PLEKHA7: variants seen among roughly 807,000 people sequenced by gnomAD.
The protein encoded by PLEKHA7 is pleckstrin homology domain-containing family A member 7.
A neutral mutation model predicts 170.0 loss-of-function variants in PLEKHA7; 104 were observed. That is an observed-to-expected ratio of 0.61 (90% CI 0.52 to 0.72). PLEKHA7 has a LOEUF of 0.72. PLEKHA7 is among the 30% of genes least tolerant of loss of function. PLEKHA7 has a pLI of 0.00. For synonymous variants in PLEKHA7, 648 were observed against 660.8 expected (o/e 0.98, Z 0.30); for missense variants, 1,615 against 1,671.7 (o/e 0.97, Z 0.59).
At chr11:16,902,128 A>C (rs1257897728) in intron 3 of PLEKHA7, among the ~76,000 whole-genome samples, 2 of 152,178 alleles carry the variant, frequency 1.3e-5, no homozygotes, top group African/African-American at 4.8e-5. Flanking sequence ...ATTTAGCATA[A>C]TGTTTACAAG....
At chr11:16,930,001 T>TA (rs1859817317) in intron 3 of PLEKHA7, among the ~76,000 whole-genome samples, 1 of 151,704 alleles carries the variant, frequency 6.6e-6, no homozygotes, top group South Asian at 2.1e-4. Flanking sequence ...AGACTCCGTC[T>TA]CAAAAAAAAA....
intron 4 of PLEKHA7, among the ~76,000 whole-genome samples, chr11:16,860,793 TGTG>T (rs1853883516): frequency 6.6e-6 from 1 of 152,200 alleles, no homozygotes; most frequent in South Asian, 2.1e-4. Flanking sequence ...AAGGAAATCT[TGTG>T]GTGGTGGAAA....
chr11:16,905,055 T>C (rs956614565), intron 3 of PLEKHA7, among the ~76,000 whole-genome samples: 2 of 152,072 alleles, frequency 1.3e-5, no homozygotes, highest in Admixed American at 1.3e-4. Flanking sequence ...AGTTTGAGAC[T>C]AGCCTGGGCA....
chr11:17,009,356 T>C (rs1040505540), intron 3 of PLEKHA7, among the ~76,000 whole-genome samples: 2 of 152,194 alleles, frequency 1.3e-5, no homozygotes, highest in Non-Finnish European at 2.9e-5. Context: ...GCTATAGGAA[T>C]GTCCAGGATT....
intron 10 of PLEKHA7, among the ~76,000 whole-genome samples, chr11:16,824,738 C>T (rs1329254495): frequency 6.6e-6 from 1 of 152,342 alleles, no homozygotes; most frequent in East Asian, 1.9e-4. Flanking sequence ...CACTTACCTG[C>T]TTAAAACCTT....
Position 16,949,895 on chromosome 11 carries a change from A to G in PLEKHA7, c.221+64094T>C, listed in dbSNP as rs1305837792. 2.6e-5 allele frequency among the ~76,000 whole-genome samples: 4 copies of G among 152,076 alleles called. No homozygotes were observed. The South Asian group carries it at 8.3e-4, about 32-fold the overall frequency. On this transcript the variant is annotated intron_variant, in intron 3 of 26. Transcript: ENST00000531066. ...AGGGGAGAGACCAGAACATCAAGCC[A>G]AGATGAGGTTCTGAGAATGGGAAAC...
At chr11:16,799,260 C>T (rs1006998211) in intron 17 of PLEKHA7, among the ~76,000 whole-genome samples, 2 of 152,142 alleles carry the variant, frequency 1.3e-5, no homozygotes, top group African/African-American at 4.8e-5. Context: ...AAGTGTGATC[C>T]TCTTCAAGTA....
intron 4 of PLEKHA7, among the ~76,000 whole-genome samples, chr11:16,862,651 T>G (rs1388698335): frequency 6.6e-6 from 1 of 152,322 alleles, no homozygotes; most frequent in South Asian, 2.1e-4. Flanking sequence ...AAAGACATGG[T>G]TGCTGTGTGG....
chr11:16,834,447 C>G (rs1380015672), intron 9 of PLEKHA7, among the ~76,000 whole-genome samples: 1 of 152,054 alleles, frequency 6.6e-6, no homozygotes, highest in African/African-American at 2.4e-5. Context: ...TTTGTAGGGA[C>G]CAGGCCCATG....
rs1385335027 is a variant in PLEKHA7 at position 16,979,655 on chromosome 11, A to C, written c.221+34334T>G. 3.3e-5 allele frequency among the ~76,000 whole-genome samples: 5 copies of C among 151,998 alleles called. No homozygotes were observed. In the East Asian group the frequency reaches 7.7e-4, roughly 23 times the overall value. On this transcript the variant is annotated intron_variant, in intron 3 of 26. Coordinates refer to ENST00000531066, the MANE Select transcript of PLEKHA7 (RefSeq NM_001329630.2). ...TTACCATTTTTGTTGTTTTCAATGG[A>C]GATATACTTGCAAAATACTCAAACT...
chr11:16,914,355 G>T (rs898979843), intron 3 of PLEKHA7, among the ~76,000 whole-genome samples: 1 of 152,126 alleles, frequency 6.6e-6, no homozygotes, highest in Non-Finnish European at 1.5e-5. Context: ...GTACCTCAGC[G>T]CCATAAATCT....
chr11:16,884,880 G>A (rs1855966524), intron 3 of PLEKHA7, among the ~76,000 whole-genome samples: 1 of 152,170 alleles, frequency 6.6e-6, no homozygotes, highest in Non-Finnish European at 1.5e-5. Context: ...TATAAACAGA[G>A]TGTTATAAGT....
At chr11:16,991,497 C>T (rs540078610) in intron 3 of PLEKHA7, among the ~76,000 whole-genome samples, 1 of 151,872 alleles carries the variant, frequency 6.6e-6, no homozygotes, top group South Asian at 2.1e-4. Flanking sequence ...AGAAATGTCA[C>T]CCTGAGAAGA....
At chr11:16,941,317 A>G (rs1860680073) in intron 3 of PLEKHA7, among the ~76,000 whole-genome samples, 1 of 152,190 alleles carries the variant, frequency 6.6e-6, no homozygotes, top group Non-Finnish European at 1.5e-5. Flanking sequence ...GGATGCCCCT[A>G]ATGATGAGAG....
chr11:17,013,947 C>CG, intron 3 of PLEKHA7, 42 bp downstream of exon 3: 1 of 1,358,838 alleles, frequency 7.4e-7, no homozygotes, highest in East Asian at 3.3e-5. Flanking sequence ...GGGACCCCCC[C>CG]CCCGCGGCAC....
Position 16,856,993 on chromosome 11 carries a change from G to A in PLEKHA7, c.306-1079C>T, listed in dbSNP as rs570301236. On this transcript the variant is annotated intron_variant, in intron 4 of 26. Coordinates refer to ENST00000531066, the MANE Select transcript of PLEKHA7 (RefSeq NM_001329630.2). ...CAAGGACCCTGAGGAGATGCAGCTA[G>A]AGAACCCAGGCAGGATGCAGCTGAC... 6.6e-5 allele frequency among the ~76,000 whole-genome samples: 10 copies of A among 152,338 alleles called. No homozygotes were observed. In the South Asian group the frequency reaches 2.1e-3, roughly 32 times the overall value.
intron 3 of PLEKHA7, among the ~76,000 whole-genome samples, chr11:16,973,486 G>T (rs1459709211): frequency 6.6e-6 from 1 of 152,202 alleles, no homozygotes; most frequent in Non-Finnish European, 1.5e-5. Flanking sequence ...AGTTTCTCTT[G>T]GTGCCCCTTT....
At chr11:16,923,137 G>A (rs549184665) in intron 3 of PLEKHA7, among the ~76,000 whole-genome samples, 5 of 152,302 alleles carry the variant, frequency 3.3e-5, no homozygotes, top group Admixed American at 6.5e-5. Flanking sequence ...TACTCTTTCC[G>A]GGAATCACTT....
At position 16,794,781 on chromosome 11, in the gene PLEKHA7, G is replaced by T; in HGVS notation, c.2519-67C>A. The T allele has an allele frequency of 3.9e-6, 6 of 1,556,244 alleles. No individual in the cohort carries two copies. The Admixed American group carries it at 1.0e-4, about 26-fold the overall frequency. On this transcript the variant is annotated intron_variant, in intron 18 of 26. Transcript: ENST00000531066. ...GACCCCCTTCCTTGGAGGATGAGTGGAGTAATTTAGCACCTCGAAGACTCA... is the reference window on the plus strand; with the variant it reads ...GACCCCCTTCCTTGGAGGATGAGTGTAGTAATTTAGCACCTCGAAGACTCA...
Sources: allele counts gnomAD v4.1 joint callset (sites outside exome capture counted in the v4.1 genomes callset), GRCh38; gene constraint gnomAD v4.1.1; transcripts MANE v1.5; gene names NCBI Gene and HGNC (gene_info 2026-07-23, HGNC 2026-07-21).